Variants in FBN1 observed in about 807,000 individuals in gnomAD.
FBN1 encodes fibrillin-1.
In FBN1, 29 loss-of-function variants were observed where a neutral mutation model predicts 365.1. That is an observed-to-expected ratio of 0.08 (90% CI 0.06 to 0.11). FBN1 has a LOEUF of 0.11. FBN1 is among the 10% of genes least tolerant of loss of function. The probability of loss-of-function intolerance (pLI) is 1.00; values close to 1 mark genes in which losing one functional copy is unlikely to be tolerated. For missense variants in FBN1, 2,476 were observed against 3,703.2 expected (o/e 0.67, Z 8.60); for synonymous variants, 1,210 against 1,270.5 (o/e 0.95, Z 1.01).
chr15:48,459,297 G>C (rs997146571), intron 43 of FBN1, among the ~76,000 whole-genome samples: 1 of 152,178 alleles, frequency 6.6e-6, no homozygotes, highest in African/African-American at 2.4e-5. Flanking sequence ...AAAGCAGCTA[G>C]GGCCAGGTGT....
At chr15:48,533,947 A>G in intron 8 of FBN1, 133 bp downstream of exon 8, 6 of 1,303,976 alleles carry the variant, frequency 4.6e-6, no homozygotes, top group Non-Finnish European at 5.4e-6. Context: ...TGTTAAAAAT[A>G]TTATATTTAC....
chr15:48,428,525 T>C (rs1265580784), intron 56 of FBN1, 54 bp from the exon 57 acceptor site: 6 of 1,604,834 alleles, frequency 3.7e-6, no homozygotes, highest in East Asian at 2.2e-5. Context: ...GACCATTTTA[T>C]AGAGGATGGA....
At chr15:48,474,141 G>T in intron 34 of FBN1, 114 bp downstream of exon 34, 1 of 1,493,932 alleles carries the variant, frequency 6.7e-7, no homozygotes. Flanking sequence ...GCCAAATGAT[G>T]AATCTTTTCT....
intron 6 of FBN1, among the ~76,000 whole-genome samples, chr15:48,562,531 G>T (rs1333517406): frequency 9.2e-5 from 14 of 152,172 alleles, no homozygotes; most frequent in Non-Finnish European, 2.1e-4. Context: ...AGGGAAATGT[G>T]AGTGCCTTTA....
At chr15:48,578,204 T>C (rs938175444) in intron 6 of FBN1, among the ~76,000 whole-genome samples, 1 of 152,158 alleles carries the variant, frequency 6.6e-6, no homozygotes, top group African/African-American at 2.4e-5. Context: ...AGTTCATTCA[T>C]TAAAAGGGAG....
At chr15:48,439,268 C>T (rs140617538) in intron 50 of FBN1, among the ~76,000 whole-genome samples, 1 of 152,322 alleles carries the variant, frequency 6.6e-6, no homozygotes, top group East Asian at 1.9e-4. Flanking sequence ...CCAACTCATC[C>T]AGATAAATCA....
At chr15:48,449,734 T>A (rs947701166) in intron 45 of FBN1, among the ~76,000 whole-genome samples, 1 of 152,218 alleles carries the variant, frequency 6.6e-6, no homozygotes, top group African/African-American at 2.4e-5. Flanking sequence ...ATTTTCCTAC[T>A]GTCACAGAAG....
At chr15:48,532,110 T>G (rs2043978091) in intron 8 of FBN1, among the ~76,000 whole-genome samples, 1 of 152,238 alleles carries the variant, frequency 6.6e-6, no homozygotes, top group Non-Finnish European at 1.5e-5. Flanking sequence ...TCTTTCAGTC[T>G]GAGCATTAAA....
intron 6 of FBN1, among the ~76,000 whole-genome samples, chr15:48,559,712 G>A (rs1417993841): frequency 6.6e-6 from 1 of 152,146 alleles, no homozygotes; most frequent in Non-Finnish European, 1.5e-5. Flanking sequence ...ATTCACTCTG[G>A]CATCGGAAAA....
intron 50 of FBN1, among the ~76,000 whole-genome samples, chr15:48,438,180 A>G (rs2043087726): frequency 6.6e-6 from 1 of 152,148 alleles, no homozygotes; most frequent in Non-Finnish European, 1.5e-5. Context: ...ACCCGATGTG[A>G]ATCCAATAAA....
chr15:48,585,714 G>A (rs1218290190), intron 6 of FBN1, among the ~76,000 whole-genome samples: 1 of 152,200 alleles, frequency 6.6e-6, no homozygotes, highest in African/African-American at 2.4e-5. Context: ...GAGTACCATA[G>A]TCTGACTGAA....
chr15:48,602,054 C>G (rs571862649), intron 4 of FBN1, among the ~76,000 whole-genome samples: 109 of 152,124 alleles, frequency 7.2e-4, no homozygotes, highest in Non-Finnish European at 1.2e-3. Context: ...GCAAAACACC[C>G]GGCACTTTCC....
At chr15:48,427,289 G>T (rs10438272) in intron 58 of FBN1, among the ~76,000 whole-genome samples, 40 of 152,254 alleles carry the variant, frequency 2.6e-4, no homozygotes, top group African/African-American at 9.4e-4. Context: ...TATATTCTGA[G>T]TAGCCAATTG....
intron 6 of FBN1, among the ~76,000 whole-genome samples, chr15:48,594,544 T>A (rs1033826032): frequency 1.3e-5 from 2 of 152,216 alleles, no homozygotes; most frequent in African/African-American, 4.8e-5. Flanking sequence ...ACATGCCAGT[T>A]TTGATTAGTA....
At chr15:48,609,306 T>C (rs1291329534) in intron 4 of FBN1, among the ~76,000 whole-genome samples, 1 of 152,226 alleles carries the variant, frequency 6.6e-6, no homozygotes, top group East Asian at 1.9e-4. Context: ...TCCCAGCCCA[T>C]AGGGCAATTT....
intron 2 of FBN1, among the ~76,000 whole-genome samples, chr15:48,638,977 C>T (rs1890150407): frequency 6.6e-6 from 1 of 152,210 alleles, no homozygotes; most frequent in South Asian, 2.1e-4. Context: ...CCCACTGGCT[C>T]TAACATCCTA....
intron 2 of FBN1, among the ~76,000 whole-genome samples, chr15:48,637,409 T>G (rs1890113374): frequency 3.3e-5 from 5 of 152,218 alleles, no homozygotes; most frequent in Admixed American, 2.0e-4. Context: ...TTGCCACCTA[T>G]GTACGGGCTC....
intron 36 of FBN1, among the ~76,000 whole-genome samples, chr15:48,469,543 C>G (rs1214904216): frequency 6.6e-6 from 1 of 152,070 alleles, no homozygotes; most frequent in Non-Finnish European, 1.5e-5. Context: ...ATGAAATACT[C>G]AAGAATAGAC....
intron 8 of FBN1, among the ~76,000 whole-genome samples, chr15:48,527,377 G>A (rs2043923541): frequency 6.6e-6 from 1 of 152,206 alleles, no homozygotes. Context: ...AGAAAAAAAT[G>A]ACAGCTTCCT....
Sources: allele counts gnomAD v4.1 joint callset (sites outside exome capture counted in the v4.1 genomes callset), GRCh38; gene constraint gnomAD v4.1.1; transcripts MANE v1.5; gene names NCBI Gene and HGNC (gene_info 2026-07-23, HGNC 2026-07-21).